CAMTA1: variants seen among roughly 807,000 people sequenced by gnomAD.
CAMTA1 encodes calmodulin-binding transcription activator 1.
CAMTA1 carries 27 observed loss-of-function variants against 170.9 expected under a neutral mutation model. That is an observed-to-expected ratio of 0.16 (90% CI 0.12 to 0.22). The LOEUF is 0.22. Ranked by LOEUF, CAMTA1 falls within the 10% of genes least tolerant of loss-of-function variation. The probability of loss-of-function intolerance (pLI) is 1.00; values close to 1 mark genes in which losing one functional copy is unlikely to be tolerated. For missense variants in CAMTA1, 1,619 were observed against 2,217.2 expected, an observed-to-expected ratio of 0.73 and a Z score of 5.42; for synonymous variants, 833 against 891.5, an observed-to-expected ratio of 0.93 and a Z score of 1.17.
intron 5 of CAMTA1, among the ~76,000 whole-genome samples, chr1:7,454,239 G>T (rs564604843): frequency 6.6e-6 from 1 of 152,200 alleles, no homozygotes; most frequent in Non-Finnish European, 1.5e-5. Context: ...CTTCCTGGGC[G>T]GGAGTCCCCA....
chr1:7,193,188 T>G (rs1022164595), intron 4 of CAMTA1, among the ~76,000 whole-genome samples: 1 of 151,512 alleles, frequency 6.6e-6, no homozygotes, highest in Non-Finnish European at 1.5e-5. Context: ...CCATCTCAAC[T>G]GAAAAATAAA....
chr1:7,448,799 C>T (rs1049958335), intron 5 of CAMTA1, among the ~76,000 whole-genome samples: 9 of 152,150 alleles, frequency 5.9e-5, no homozygotes, highest in African/African-American at 1.4e-4. Flanking sequence ...TCCCAAAGGC[C>T]CCACCTCCTA....
intron 4 of CAMTA1, among the ~76,000 whole-genome samples, chr1:7,191,012 CTGATT>C (rs1408492191): frequency 2.0e-5 from 3 of 152,166 alleles, no homozygotes; most frequent in African/African-American, 7.2e-5. Flanking sequence ...ATTTTAACTT[CTGATT>C]TATTTATTTT....
intron 4 of CAMTA1, among the ~76,000 whole-genome samples, chr1:7,097,528 C>A (rs1192086047): frequency 2.6e-5 from 4 of 152,226 alleles, no homozygotes; most frequent in African/African-American, 9.7e-5. Flanking sequence ...CATTGTAAGA[C>A]CCCTGGCAGT....
At chr1:7,215,683 C>T (rs150931732) in intron 4 of CAMTA1, among the ~76,000 whole-genome samples, 3 of 152,328 alleles carry the variant, frequency 2.0e-5, no homozygotes, top group South Asian at 2.1e-4. Flanking sequence ...TGTGAGCCAC[C>T]GTGCCTTACC....
At chr1:7,086,004 T>C (rs1640689713) in intron 3 of CAMTA1, among the ~76,000 whole-genome samples, 1 of 152,118 alleles carries the variant, frequency 6.6e-6, no homozygotes, top group Admixed American at 6.5e-5. Context: ...CCTGCCTCCC[T>C]GGTCTGCAGG....
At chr1:6,791,678 TTCTTGC>T (rs1641141158) in intron 1 of CAMTA1, among the ~76,000 whole-genome samples, 1 of 152,242 alleles carries the variant, frequency 6.6e-6, no homozygotes, top group Non-Finnish European at 1.5e-5. Context: ...GTGAGAAGCA[TTCTTGC>T]TCTGCTACTT....
intron 3 of CAMTA1, among the ~76,000 whole-genome samples, chr1:7,056,724 G>A (rs1432898687): frequency 6.6e-6 from 1 of 152,074 alleles, no homozygotes; most frequent in Admixed American, 6.5e-5. Flanking sequence ...AGATGAGTTG[G>A]TGGTGGGGGG....
intron 5 of CAMTA1, among the ~76,000 whole-genome samples, chr1:7,372,682 T>A (rs1402844888): frequency 6.6e-6 from 1 of 152,218 alleles, no homozygotes; most frequent in Non-Finnish European, 1.5e-5. Context: ...GAGTGCTTTG[T>A]GTGTAGGAGC....
intron 5 of CAMTA1, among the ~76,000 whole-genome samples, chr1:7,428,687 A>G (rs1418938237): frequency 6.6e-6 from 1 of 152,056 alleles, no homozygotes; most frequent in Non-Finnish European, 1.5e-5. Flanking sequence ...CACTAGGATG[A>G]CATCCCCTCT....
chr1:6,947,138 T>G (rs1387664708), intron 3 of CAMTA1, among the ~76,000 whole-genome samples: 1 of 152,222 alleles, frequency 6.6e-6, no homozygotes, highest in Admixed American at 6.5e-5. Context: ...GAGGGTTAAC[T>G]TCTGAACTCT....
chr1:7,757,878 C>G (rs1225800062), intron 22 of CAMTA1, among the ~76,000 whole-genome samples: 2 of 152,074 alleles, frequency 1.3e-5, no homozygotes, highest in Non-Finnish European at 2.9e-5. Context: ...GTAAACTTAA[C>G]TAATTAATCC....
At chr1:7,499,364 C>T (rs1425058147) in intron 6 of CAMTA1, among the ~76,000 whole-genome samples, 8 of 107,420 alleles carry the variant, frequency 7.4e-5, no homozygotes, top group South Asian at 6.7e-4. Context: ...GCCTGGTGTG[C>T]GTGTGTATGT....
intron 6 of CAMTA1, among the ~76,000 whole-genome samples, chr1:7,549,047 C>T (rs2094758401): frequency 7.0e-6 from 1 of 142,098 alleles, no homozygotes; most frequent in Admixed American, 6.9e-5. Context: ...TGGAAGGTGC[C>T]CCCTTAGGGG....
At chr1:7,486,313 C>T (rs764074972) in intron 6 of CAMTA1, among the ~76,000 whole-genome samples, 3 of 152,234 alleles carry the variant, frequency 2.0e-5, no homozygotes, top group Non-Finnish European at 4.4e-5. Context: ...AAGCTACCAA[C>T]ATGATATCAT....
intron 3 of CAMTA1, among the ~76,000 whole-genome samples, chr1:6,856,214 A>G (rs953887726): frequency 6.6e-6 from 1 of 151,634 alleles, no homozygotes; most frequent in Non-Finnish European, 1.5e-5. Context: ...ACGCCATACA[A>G]TTAACACAAT....
At chr1:7,711,800 A>G (rs569398352) in intron 11 of CAMTA1, among the ~76,000 whole-genome samples, 31 of 152,334 alleles carry the variant, frequency 2.0e-4, no homozygotes, top group Non-Finnish European at 4.0e-4. Flanking sequence ...TGTTTTATCT[A>G]ATGATGTAAA....
rs770585566 is a variant in CAMTA1, at chr1:7,752,504, A to T, written c.4929A>T (p.Ile1643=). The T allele has an allele frequency of 6.2e-7, 1 of 1,612,524 alleles. No individual in the cohort carries two copies. Among genetic ancestry groups the T allele is most frequent in the Admixed American group, 1.7e-5 (1 of 59,698 alleles). ...TKKQDQAARK[I]MRFLRRCRHS... ...AGCAGGATCAAGCTGCTCGAAAAAT[A>T]ATGAGGTTTCTTCGCCGCTGTCGCC... The change falls in exon 21 of 23, where the codon ATA becomes ATT. Residue 1643 remains isoleucine (I), a synonymous_variant. Transcript: ENST00000303635.
At chr1:7,215,967 T>G (rs1269742480) in intron 4 of CAMTA1, among the ~76,000 whole-genome samples, 1 of 152,218 alleles carries the variant, frequency 6.6e-6, no homozygotes, top group Non-Finnish European at 1.5e-5. Flanking sequence ...ACTGTATTAG[T>G]CTGCTCTCAC....
Sources: gnomAD v4.1 joint callset for allele counts (sites outside exome capture counted in the v4.1 genomes callset) on GRCh38, gnomAD v4.1.1 for gene constraint, MANE v1.5 for transcripts, NCBI Gene and HGNC (gene_info 2026-07-23, HGNC 2026-07-21) for gene names.